The following ADAMTS17 variants were observed in gnomAD, a reference collection of about 807,000 sequenced individuals.
ADAMTS17 encodes the protein ADAM metallopeptidase with thrombospondin type 1 motif 17.
In ADAMTS17, 113 loss-of-function variants were observed where a neutral mutation model predicts 141.5. The observed-to-expected ratio is 0.80, with a 90% CI of 0.69 to 0.93. ADAMTS17 has a LOEUF of 0.93. Among genes scored for constraint, ADAMTS17 ranks in the 40% least tolerant of loss-of-function variants. The pLI is 0.00. For missense variants in ADAMTS17, 1,659 were observed against 1,517.9 expected, an observed-to-expected ratio of 1.09 and a Z score of -1.54; for synonymous variants, 768 against 630.6, an observed-to-expected ratio of 1.22 and a Z score of -3.27.
Position 100,108,992 on chromosome 15 carries a change from G to A in ADAMTS17, c.2013C>T (p.Cys671=). 1 of 1,613,930 alleles carries A rather than the reference G, an allele frequency of 6.2e-7. No individual in the cohort carries two copies. The highest frequency in any genetic ancestry group is 1.1e-5 in the South Asian group (1 of 91,074). The stretch of plus-strand genomic sequence containing the variant: ...GACCGAAGGAGAAGTACGTCACCTG[G>A]CACTTGCCGTGCACGCAGAGATCAG... ...YETDLCVHGK[C]QKIGCDGIIG... is the part of the protein sequence containing the mutation. Residue 671 remains cysteine, a synonymous_variant, in exon 14 of 22, where the codon TGC becomes TGT. Coordinates refer to ENST00000268070, the MANE Select transcript of ADAMTS17 (RefSeq NM_139057.4).
chr15:100,210,696 T>A (rs1328798334), intron 7 of ADAMTS17, among the ~76,000 whole-genome samples: 1 of 152,234 alleles, frequency 6.6e-6, no homozygotes, highest in Non-Finnish European at 1.5e-5. Context: ...TCAGGCGCAG[T>A]GGCTCACGCC....
intron 2 of ADAMTS17, among the ~76,000 whole-genome samples, chr15:100,332,052 C>T (rs986728580): frequency 1.8e-4 from 27 of 152,304 alleles, no homozygotes; most frequent in African/African-American, 6.0e-4. Flanking sequence ...CTAATAAGAT[C>T]GCCTACAATC....
intron 6 of ADAMTS17, among the ~76,000 whole-genome samples, chr15:100,254,761 A>G (rs2043268905): frequency 1.3e-5 from 2 of 152,200 alleles, no homozygotes; most frequent in Admixed American, 1.3e-4. Flanking sequence ...AGCAAACACC[A>G]CATGTCCTCA....
chr15:100,053,584 A>G (rs1312034871), intron 16 of ADAMTS17, among the ~76,000 whole-genome samples: 1 of 152,196 alleles, frequency 6.6e-6, no homozygotes, highest in African/African-American at 2.4e-5. Flanking sequence ...AATGAGGCCA[A>G]GTCTCCCTGG....
At chr15:100,114,058 A>G (rs1261375071) in intron 13 of ADAMTS17, among the ~76,000 whole-genome samples, 1 of 152,154 alleles carries the variant, frequency 6.6e-6, no homozygotes, top group Non-Finnish European at 1.5e-5. Context: ...CCATTTAGAA[A>G]TATTTTCTAA....
Position 100,133,251 on chromosome 15 carries a change from TCCAGCTTGGTCTTGCAG to T in ADAMTS17, c.1521_1537del (p.Cys508ProfsTer58), listed in dbSNP as rs2038151676. 6.3e-7 allele frequency: 1 copy of T among 1,598,934 alleles called. No individual in the cohort carries two copies. Among genetic ancestry groups the T allele is most frequent in the African/African-American group, 1.3e-5 (1 of 74,660 alleles). ...ACACTCGGTGCCATCCAGGGGAGGG[TCCAGCTTGGTCTTGCAG>T]GATGTGTCTCCTTCTACCAGGCACC... On this transcript the variant is annotated frameshift_variant, in exon 11 of 22. Coordinates refer to ENST00000268070, the MANE Select transcript of ADAMTS17 (RefSeq NM_139057.4). LOFTEE classifies it high-confidence loss of function.
intron 8 of ADAMTS17, among the ~76,000 whole-genome samples, chr15:100,187,208 C>T (rs1238294870): frequency 1.3e-5 from 2 of 152,064 alleles, no homozygotes; most frequent in East Asian, 3.9e-4. Context: ...CCAGTGATAA[C>T]GTTAGAGCAG....
intron 4 of ADAMTS17, 105 bp downstream of exon 4, chr15:100,281,124 A>C: frequency 6.7e-7 from 1 of 1,495,808 alleles, no homozygotes; most frequent in Non-Finnish European, 9.1e-7. Context: ...TCCCCAACCC[A>C]GCGTCTTCCT....
intron 18 of ADAMTS17, among the ~76,000 whole-genome samples, chr15:100,046,917 G>T (rs1231095044): frequency 6.6e-6 from 1 of 152,228 alleles, no homozygotes; most frequent in East Asian, 1.9e-4. Flanking sequence ...GGGAACAAGA[G>T]AGATAACCTT....
At chr15:100,136,048 T>G (rs1157619691) in intron 10 of ADAMTS17, among the ~76,000 whole-genome samples, 1 of 152,198 alleles carries the variant, frequency 6.6e-6, no homozygotes, top group African/African-American at 2.4e-5. Context: ...GACACACACA[T>G]TCTAATACCC....
chr15:100,302,546 T>C (rs901884943), intron 3 of ADAMTS17, among the ~76,000 whole-genome samples: 3 of 152,194 alleles, frequency 2.0e-5, no homozygotes, highest in Non-Finnish European at 4.4e-5. Context: ...GAATTCGAAA[T>C]CCTTGCCAAC....
At chr15:99,994,792 C>CCTG (rs2060765362) in intron 19 of ADAMTS17, among the ~76,000 whole-genome samples, 1 of 152,198 alleles carries the variant, frequency 6.6e-6, no homozygotes, top group Non-Finnish European at 1.5e-5. Context: ...GTCTCAATCT[C>CCTG]CTGACTCGTG....
At chr15:100,282,703 G>A (rs920805416) in intron 3 of ADAMTS17, among the ~76,000 whole-genome samples, 8 of 151,924 alleles carry the variant, frequency 5.3e-5, no homozygotes, top group Non-Finnish European at 7.4e-5. Context: ...GATATGGGTC[G>A]TAATTTACAA....
At chr15:100,017,039 T>C (rs1261909437) in intron 18 of ADAMTS17, among the ~76,000 whole-genome samples, 1 of 152,164 alleles carries the variant, frequency 6.6e-6, no homozygotes, top group Non-Finnish European at 1.5e-5. Flanking sequence ...CTGGTCTTGC[T>C]GTGGCTGCTA....
intron 18 of ADAMTS17, among the ~76,000 whole-genome samples, chr15:99,999,920 C>T (rs2060886263): frequency 6.6e-6 from 1 of 152,222 alleles, no homozygotes; most frequent in Non-Finnish European, 1.5e-5. Flanking sequence ...TTCCAATCCT[C>T]TTGGCAGAAT....
Position 100,281,489 on chromosome 15 carries a change from G to A in ADAMTS17, c.617-88C>T, listed in dbSNP as rs185179122. ...AACAGGCCTTCTGTCAAGCCTGCCC[G>A]AGAGAGTGGTCAGTCTCGACAGGCC... On this transcript the variant is annotated intron_variant, in intron 3 of 21. Transcript: ENST00000268070. 412 of 1,511,148 alleles carry A rather than the reference G, an allele frequency of 2.7e-4. 3 individuals carry two copies. The East Asian group carries it at 4.8e-3, about 18-fold the overall frequency. 93.6% of individuals were successfully genotyped at this position (1,511,148 alleles called of 1,614,324 possible).
chr15:100,214,730 C>G (rs558300047), intron 7 of ADAMTS17, among the ~76,000 whole-genome samples: 1 of 152,328 alleles, frequency 6.6e-6, no homozygotes, highest in South Asian at 2.1e-4. Flanking sequence ...GGCCCACCAT[C>G]CACGCAGGAG....
chr15:100,292,996 TTA>T (rs1269523223), intron 3 of ADAMTS17, among the ~76,000 whole-genome samples: 1 of 152,236 alleles, frequency 6.6e-6, no homozygotes, highest in African/African-American at 2.4e-5. Flanking sequence ...CGACATCATT[TTA>T]TGGCAAATGC....
rs60139619 is a variant in ADAMTS17 at position 100,320,675 on chromosome 15, T to C, written c.616+10214A>G. Among the ~76,000 whole-genome samples the C allele has an allele frequency of 6.5e-3, 994 of 152,094 alleles. 42 individuals carry two copies. The East Asian group carries it at 0.13, about 20-fold the overall frequency. On this transcript the variant is annotated intron_variant, in intron 3 of 21. Coordinates refer to ENST00000268070, the MANE Select transcript of ADAMTS17 (RefSeq NM_139057.4). The stretch of plus-strand genomic sequence containing the variant: ...TGGTGAAACCCTGTCTCTAAAAATA[T>C]ACTAAAAATTAGCCGGGTGTGGTGG...
Sources: allele counts gnomAD v4.1 joint callset (sites outside exome capture counted in the v4.1 genomes callset), GRCh38; gene constraint gnomAD v4.1.1; transcripts MANE v1.5; gene names NCBI Gene and HGNC (gene_info 2026-07-23, HGNC 2026-07-21).